PPFIBP1: variants seen among roughly 807,000 people sequenced by gnomAD.
PPFIBP1 encodes the protein liprin-beta-1.
In PPFIBP1, 112 loss-of-function variants were observed where a neutral mutation model predicts 137.8. The ratio of observed to expected loss-of-function variants is 0.81; its 90% CI spans 0.70 to 0.95. PPFIBP1 has a LOEUF of 0.95. PPFIBP1 is among the 40% of genes least tolerant of loss of function. The pLI, the probability that PPFIBP1 is intolerant of heterozygous loss-of-function variation, is 0.00. For missense variants in PPFIBP1, 1,083 were observed against 1,196.6 expected (o/e 0.91, Z 1.40); for synonymous variants, 378 against 417.3 (o/e 0.91, Z 1.15).
At chr12:27,572,880 G>A (rs2050252044) in intron 1 of PPFIBP1, among the ~76,000 whole-genome samples, 1 of 151,942 alleles carries the variant, frequency 6.6e-6, no homozygotes, top group African/African-American at 2.4e-5. Flanking sequence ...TTATTTTATT[G>A]GCTAAGGGCT....
intron 1 of PPFIBP1, among the ~76,000 whole-genome samples, chr12:27,568,710 T>C (rs2049894552): frequency 6.6e-6 from 1 of 152,226 alleles, no homozygotes; most frequent in Non-Finnish European, 1.5e-5. Context: ...TTTGCTTCCA[T>C]GACCTGTGTT....
chr12:27,690,609 C>A (rs2061475789), intron 27 of PPFIBP1, among the ~76,000 whole-genome samples: 1 of 152,116 alleles, frequency 6.6e-6, no homozygotes, highest in South Asian at 2.1e-4. Context: ...CAAGATTCTG[C>A]CTCTAAAAAA....
chr12:27,594,645 T>C (rs910954872), intron 2 of PPFIBP1, among the ~76,000 whole-genome samples: 1 of 152,236 alleles, frequency 6.6e-6, no homozygotes, highest in African/African-American at 2.4e-5. Flanking sequence ...TTTGTCCTAT[T>C]ACAGTTTTAA....
intron 19 of PPFIBP1, among the ~76,000 whole-genome samples, chr12:27,678,939 G>A (rs1437823902): frequency 4.0e-5 from 6 of 150,212 alleles, no homozygotes; most frequent in African/African-American, 1.5e-4. Flanking sequence ...AGTCCCAGAT[G>A]TCCCGACACA....
At chr12:27,557,197 T>G (rs994517686) in intron 1 of PPFIBP1, among the ~76,000 whole-genome samples, 2 of 151,884 alleles carry the variant, frequency 1.3e-5, no homozygotes, top group African/African-American at 2.4e-5. Flanking sequence ...TGGCCTTTTT[T>G]GTATCAAGCT....
At chr12:27,684,579 G>T (rs2061086013) in intron 24 of PPFIBP1, among the ~76,000 whole-genome samples, 1 of 152,074 alleles carries the variant, frequency 6.6e-6, no homozygotes, top group Non-Finnish European at 1.5e-5. Flanking sequence ...CTCTGTCATT[G>T]AACCCAAGCC....
At chr12:27,531,674 A>G (rs977903139) in intron 1 of PPFIBP1, among the ~76,000 whole-genome samples, 4 of 152,046 alleles carry the variant, frequency 2.6e-5, no homozygotes, top group Admixed American at 6.5e-5. Flanking sequence ...TGGCACTGTT[A>G]CCAAAGGGAA....
At chr12:27,581,396 C>G (rs1212430946) in intron 2 of PPFIBP1, among the ~76,000 whole-genome samples, 6 of 152,158 alleles carry the variant, frequency 3.9e-5, no homozygotes, top group Non-Finnish European at 8.8e-5. Flanking sequence ...ACTTGTCCAG[C>G]TTCATCTCTG....
rs370665460 is a variant in PPFIBP1, at chr12:27,660,955, T to A, written c.906+10T>A. The A allele has an allele frequency of 1.2e-6, 2 of 1,612,556 alleles. No homozygotes were observed. Among genetic ancestry groups the A allele is most frequent in the African/African-American group, 2.7e-5 (2 of 74,948 alleles). Reference sequence around the variant, plus strand: ...AGCAAATGAAGAAAAGGTATCCAGATGAAATTTAAATATACGTGTGGATGT... The same window carrying A: ...AGCAAATGAAGAAAAGGTATCCAGAAGAAATTTAAATATACGTGTGGATGT... On this transcript the variant is annotated intron_variant, in intron 11 of 29. Coordinates refer to ENST00000228425, the MANE Select transcript of PPFIBP1 (RefSeq NM_003622.4).
At chr12:27,609,766 A>C (rs558118823) in intron 2 of PPFIBP1, among the ~76,000 whole-genome samples, 1 of 152,126 alleles carries the variant, frequency 6.6e-6, no homozygotes, top group Non-Finnish European at 1.5e-5. Flanking sequence ...TCTACACTCC[A>C]GTCCCACTGA....
intron 27 of PPFIBP1, among the ~76,000 whole-genome samples, chr12:27,690,857 G>A (rs1593421682): frequency 6.6e-6 from 1 of 152,064 alleles, no homozygotes; most frequent in East Asian, 1.9e-4. Context: ...GTATTTCCTA[G>A]TTTACCTGGA....
At chr12:27,687,550 G>A (rs543338055) in intron 25 of PPFIBP1, 43 bp downstream of exon 25, 1 of 1,603,098 alleles carries the variant, frequency 6.2e-7, no homozygotes, top group Non-Finnish European at 8.5e-7. Context: ...CACTTCCCAG[G>A]CATGGGACTG....
chr12:27,540,316 T>C (rs1055414601), intron 1 of PPFIBP1, among the ~76,000 whole-genome samples: 7 of 151,536 alleles, frequency 4.6e-5, no homozygotes, highest in Admixed American at 1.3e-4. Flanking sequence ...TGAAACAAGA[T>C]AATGAATGCA....
chr12:27,658,487 C>A (rs2059350246), intron 9 of PPFIBP1, among the ~76,000 whole-genome samples: 1 of 152,144 alleles, frequency 6.6e-6, no homozygotes, highest in Admixed American at 6.5e-5. Flanking sequence ...AATATAAAAA[C>A]AAAGTGACAC....
chr12:27,685,328 A>G (rs1305542593), intron 24 of PPFIBP1, among the ~76,000 whole-genome samples: 1 of 151,894 alleles, frequency 6.6e-6, no homozygotes, highest in African/African-American at 2.4e-5. Context: ...TTATAATACT[A>G]TTATTATCCC....
rs115901347 is a variant in PPFIBP1 at position 27,535,885 on chromosome 12, A to G, written c.-124+11520A>G. Among the ~76,000 whole-genome samples the G allele has an allele frequency of 8.1e-3, 1,227 of 152,314 alleles. 17 individuals carry two copies. Among genetic ancestry groups the G allele is most frequent in the African/African-American group, 0.028 (1,181 of 41,550 alleles). On this transcript the variant is annotated intron_variant, in intron 1 of 29. Transcript: ENST00000228425. Reference sequence around the variant, plus strand: ...ACCTACCTTTGGCTTATGATGTGTAATGAAAGACTGAAAGGAGAAGCAACT... The same window carrying G: ...ACCTACCTTTGGCTTATGATGTGTAGTGAAAGACTGAAAGGAGAAGCAACT...
At chr12:27,632,456 A>G (rs2057331893) in intron 2 of PPFIBP1, among the ~76,000 whole-genome samples, 1 of 152,186 alleles carries the variant, frequency 6.6e-6, no homozygotes, top group Non-Finnish European at 1.5e-5. Flanking sequence ...AATGCTGAAA[A>G]TCACATTATC....
chr12:27,600,214 G>T (rs2053811386), intron 2 of PPFIBP1, among the ~76,000 whole-genome samples: 1 of 152,126 alleles, frequency 6.6e-6, no homozygotes, highest in South Asian at 2.1e-4. Context: ...GAGGCATGTG[G>T]ATCACCTGAG....
At chr12:27,526,123 C>T (rs529417450) in intron 1 of PPFIBP1, among the ~76,000 whole-genome samples, 2 of 152,224 alleles carry the variant, frequency 1.3e-5, no homozygotes, top group East Asian at 3.9e-4. Context: ...AGTGGAGTTC[C>T]TGTGGGCTAA....
Sources: gnomAD v4.1 joint callset for allele counts (sites outside exome capture counted in the v4.1 genomes callset) on GRCh38, gnomAD v4.1.1 for gene constraint, MANE v1.5 for transcripts, NCBI Gene and HGNC (gene_info 2026-07-23, HGNC 2026-07-21) for gene names.